Variants in ZNF318 observed in about 807,000 individuals in gnomAD.
ZNF318 encodes zinc finger protein 318.
ZNF318 carries 51 observed loss-of-function variants against 124.2 expected under a neutral mutation model. The observed-to-expected ratio is 0.41, with a 90% CI of 0.33 to 0.52. The LOEUF (loss-of-function observed/expected upper bound fraction) is 0.52. ZNF318 is among the 20% of genes least tolerant of loss of function. ZNF318 has a pLI of 0.23. For missense variants in ZNF318, 2,815 were observed against 2,811.2 expected (o/e 1.00, Z -0.03); for synonymous variants, 1,090 against 1,040.7 (o/e 1.05, Z -0.91).
chr6:43,364,330 TGAA>T, intron 2 of ZNF318: 20 of 126,338 alleles, frequency 1.6e-4, no homozygotes, highest in East Asian at 2.5e-4. Context: ...GAATTAAGCC[TGAA>T]AAAAAAAAAA....
In ZNF318 at chr6:43,354,611, A is replaced by C. The variant is rs936220747; in HGVS notation, c.2670+53T>G. 5 of 1,515,810 alleles carry C rather than the reference A, an allele frequency of 3.3e-6. No homozygotes were observed. The Admixed American group carries it at 6.6e-5, about 20-fold the overall frequency. 93.9% of individuals were successfully genotyped at this position (1,515,810 alleles called of 1,614,324 possible). The stretch of plus-strand genomic sequence containing the variant: ...AGCCCCTTCTAAAAAACATATACAA[A>C]TTTATGGCAAAACAGAAAACTCAGG... On this transcript the variant is annotated intron_variant, in intron 4 of 9. Transcript: ENST00000361428.
chr6:43,360,459 T>G (rs1779665510), intron 2 of ZNF318, among the ~76,000 whole-genome samples: 1 of 152,142 alleles, frequency 6.6e-6, no homozygotes, highest in Non-Finnish European at 1.5e-5. Flanking sequence ...CGGAAAGCCT[T>G]GGTTAAGTTC....
Position 43,339,607 on chromosome 6 carries a change from G to T in ZNF318, c.4391C>A (p.Pro1464Gln), listed in dbSNP as rs774969691. 3.1e-6 allele frequency: 5 copies of T among 1,613,434 alleles called. No individual in the cohort carries two copies. The South Asian group carries it at 4.4e-5, about 14-fold the overall frequency. Residue 1464 changes from proline (P) to glutamine (Q), a missense_variant, in exon 10 of 10, where the codon CCG (proline) becomes CAG (glutamine). Pro to Gln is a moderately conservative substitution (Grantham distance 76). This residue lies in a region of ZNF318 where 500 missense variants were observed against 605.2 expected (regional missense o/e 0.83). Transcript: ENST00000361428. The surrounding 1 kb of genome is among the most constrained non-coding windows in gnomAD (Gnocchi z 4.2). ...PPPVIPHPAAPSAAQANAILA... is the reference protein window; with the variant it reads ...PPPVIPHPAAQSAAQANAILA... Reference sequence around the variant, plus strand: ...GATAGCATTTGCTTGAGCAGCAGACGGGGCAGCTGGATGAGGTATAACGGG... The same window carrying T: ...GATAGCATTTGCTTGAGCAGCAGACTGGGCAGCTGGATGAGGTATAACGGG...
rs1022704818 is a variant in ZNF318 at position 43,348,637 on chromosome 6, A to C, written c.2771-12T>G. 6.2e-7 allele frequency: 1 copy of C among 1,605,882 alleles called. No homozygotes were observed. ...GCGCAGCATTTCTCCTGAGCAATCA[A>C]ATGTCAACAAAAAGAAGCACAGGGA... On this transcript the variant is annotated splice_polypyrimidine_tract_variant and intron_variant, in intron 5 of 9. Coordinates refer to ENST00000361428, the MANE Select transcript of ZNF318 (RefSeq NM_014345.3).
Position 43,357,376 on chromosome 6 carries a change from G to C in ZNF318, c.938C>G (p.Pro313Arg). The change falls in exon 3 of 10, where the codon CCT becomes CGT. Residue 313 changes from proline (P) to arginine (R), a missense_variant. Pro to Arg is a moderately radical substitution (Grantham distance 103, BLOSUM62 -2). Transcript: ENST00000361428. ...RRSPSPRFLD[P>R]EFRELDLARR... ...GGCAAGATCCAGTTCTCGAAACTCA[G>C]GGTCGAGAAACCTAGGACTTGGGCT... 1.2e-6 allele frequency: 2 copies of C among 1,614,152 alleles called. No homozygotes were observed. Among genetic ancestry groups the C allele is most frequent in the Non-Finnish European group, 1.7e-6 (2 of 1,180,030 alleles).
chr6:43,351,696 G>A (rs527951566), intron 5 of ZNF318, among the ~76,000 whole-genome samples: 1 of 151,940 alleles, frequency 6.6e-6, no homozygotes, highest in African/African-American at 2.4e-5. Context: ...AGAAGGCAGA[G>A]GTTGCAGTGA....
chr6:43,351,941 G>A (rs1408880266), intron 5 of ZNF318, among the ~76,000 whole-genome samples: 3 of 152,028 alleles, frequency 2.0e-5, no homozygotes, highest in African/African-American at 7.2e-5. Context: ...AGGAGTTCGA[G>A]ACCAAACTGG....
intron 8 of ZNF318, 137 bp from the exon 9 acceptor site, chr6:43,341,045 G>C: frequency 1.5e-6 from 1 of 649,980 alleles, no homozygotes; most frequent in East Asian, 2.7e-5. Context: ...GTCAGAAGCA[G>C]TATTTAGATG....
chr6:43,346,589 A>G (rs141261543), intron 6 of ZNF318, among the ~76,000 whole-genome samples: 1,572 of 151,976 alleles, frequency 0.01, 17 homozygotes, highest in Non-Finnish European at 0.016. Context: ...GAGTCTTTAA[A>G]TAAGACAACG....
At position 43,339,120 on chromosome 6, in the gene ZNF318, C is replaced by G; in HGVS notation, c.4878G>C (p.Glu1626Asp). The G allele has an allele frequency of 6.2e-7, 1 of 1,614,218 alleles. No homozygotes were observed. The highest frequency in any genetic ancestry group is 8.5e-7 in the Non-Finnish European group (1 of 1,180,044). ...SPLNSSASQE[E>D]LHQDEGLVAA... ...CGACCAAACCCTCATCTTGATGCAACTCCTCTTGGGATGCACTGCTGTTCA... is the reference window on the plus strand; with the variant it reads ...CGACCAAACCCTCATCTTGATGCAAGTCCTCTTGGGATGCACTGCTGTTCA... The change falls in exon 10 of 10, where the codon GAG (glutamate) becomes GAC (aspartate). Residue 1626 changes from glutamate (E) to aspartate (D), a missense_variant. Coordinates refer to ENST00000361428, the MANE Select transcript of ZNF318 (RefSeq NM_014345.3). This position sits in a 1 kb window ranked among gnomAD's most constrained non-coding sequence, Gnocchi z 4.2.
At chr6:43,347,785 T>C (rs1038035464) in intron 6 of ZNF318, among the ~76,000 whole-genome samples, 5 of 152,132 alleles carry the variant, frequency 3.3e-5, no homozygotes, top group African/African-American at 1.2e-4. Flanking sequence ...TGGCAAGGAC[T>C]GAGCCCCGAG....
At chr6:43,341,923 C>G (rs1779377615) in intron 8 of ZNF318, among the ~76,000 whole-genome samples, 189 bp downstream of exon 8, 1 of 152,138 alleles carries the variant, frequency 6.6e-6, no homozygotes, top group Non-Finnish European at 1.5e-5. Context: ...GGGTAGAGAT[C>G]ATGGTCTTAT....
rs763509705 is a variant in ZNF318 at position 43,357,098 on chromosome 6, G to A, written c.1188+28C>T. 7.0e-6 allele frequency: 11 copies of A among 1,578,756 alleles called. No individual in the cohort carries two copies. In the Admixed American group the frequency reaches 1.1e-4, roughly 16 times the overall value. ...TTTAAGATATTAGGGAGACTAGCAA[G>A]AGGCCCTACAAGAAATGCAGCAGAG... is the stretch of plus-strand genomic sequence containing the variant. On this transcript the variant is annotated intron_variant, in intron 3 of 9. Coordinates refer to ENST00000361428, the MANE Select transcript of ZNF318 (RefSeq NM_014345.3).
chr6:43,351,126 A>G (rs1581644300), intron 5 of ZNF318, among the ~76,000 whole-genome samples: 2 of 152,372 alleles, frequency 1.3e-5, no homozygotes, highest in South Asian at 2.1e-4. Flanking sequence ...GAATTTAATC[A>G]TAAGGAAACA....
intron 2 of ZNF318, among the ~76,000 whole-genome samples, chr6:43,363,098 TAA>T (rs1042862237): frequency 6.6e-6 from 1 of 152,166 alleles, no homozygotes; most frequent in Non-Finnish European, 1.5e-5. Context: ...CCAAACTCCT[TAA>T]GAGGAAAAAT....
intron 1 of ZNF318, chr6:43,368,730 T>A (rs1779793754): frequency 1.6e-5 from 16 of 985,340 alleles, no homozygotes; most frequent in Non-Finnish European, 1.8e-5. Context: ...AGAAACAGCC[T>A]ATTCCTAAGG....
rs1357033141 is a variant in ZNF318, at chr6:43,352,390, A to T, written c.2757T>A (p.Leu919=). 1 of 1,613,990 alleles carries T rather than the reference A, an allele frequency of 6.2e-7. No homozygotes were observed. The highest frequency in any genetic ancestry group is 8.5e-7 in the Non-Finnish European group (1 of 1,179,982). The change falls in exon 5 of 10, where the codon CTT becomes CTA. Residue 919 remains leucine (L), a synonymous_variant. Transcript: ENST00000361428. ...MYYLRTELER[L]HKQQGEMLRK... is the part of the protein sequence containing the mutation. ...AGCAGCTGATACCTTGTTGTTTATG[A>T]AGCCGCTCTAACTCGGTCCTAAGAT...
At position 43,355,977 on chromosome 6, in the gene ZNF318, AT is replaced by A. The variant is rs1279910322; in HGVS notation, c.1356del (p.Gln452HisfsTer31). On this transcript the variant is annotated frameshift_variant, in exon 4 of 10. Coordinates refer to ENST00000361428, the MANE Select transcript of ZNF318 (RefSeq NM_014345.3). LOFTEE classifies it high-confidence loss of function. ...TTGGGAATCCCAGGAAGGGGACCCC[AT>A]TGGTAGAGGTTGCCCTGAGGTTCCT... is the stretch of plus-strand genomic sequence containing the variant. ...ALKEPQGNLY[Q>X]WGPLPGIPKD... The A allele has an allele frequency of 6.2e-7, 1 of 1,614,218 alleles. No individual in the cohort carries two copies. Among genetic ancestry groups the A allele is most frequent in the Admixed American group, 1.7e-5 (1 of 60,024 alleles).
At chr6:43,358,605 G>A (rs956976356) in intron 2 of ZNF318, among the ~76,000 whole-genome samples, 3 of 151,902 alleles carry the variant, frequency 2.0e-5, no homozygotes, top group African/African-American at 4.8e-5. Flanking sequence ...CCAGGCTGGA[G>A]TGCAGTGGCA....
Sources: allele counts gnomAD v4.1 joint callset (sites outside exome capture counted in the v4.1 genomes callset), GRCh38; gene constraint gnomAD v4.1.1; regional missense constraint gnomAD v4.1.1; non-coding constraint Gnocchi (gnomAD v3.1); transcripts MANE v1.5; gene names NCBI Gene and HGNC (gene_info 2026-07-23, HGNC 2026-07-21).